Variants in SLCO1A2 observed in about 807,000 individuals in gnomAD.
SLCO1A2 encodes solute carrier organic anion transporter family member 1A2, also known as OATP-1.
In SLCO1A2, 67 loss-of-function variants were observed where a neutral mutation model predicts 69.0. That is an observed-to-expected ratio of 0.97 (90% CI 0.80 to 1.19). The LOEUF is 1.19. SLCO1A2 is among the 50% of genes most tolerant of loss of function. The pLI, the probability that SLCO1A2 is intolerant of heterozygous loss-of-function variation, is 0.00. For missense variants in SLCO1A2, 787 were observed against 793.7 expected (o/e 0.99, Z 0.10); for synonymous variants, 260 against 265.9 (o/e 0.98, Z 0.22).
intron 14 of SLCO1A2, among the ~76,000 whole-genome samples, chr12:21,271,554 A>G (rs1942843763): frequency 6.7e-6 from 1 of 150,138 alleles, no homozygotes; most frequent in African/African-American, 2.4e-5. Flanking sequence ...CTAAATTCTG[A>G]GTTCATTAAT....
chr12:21,394,655 A>G (rs556039864), intron 1 of SLCO1A2, among the ~76,000 whole-genome samples: 5 of 152,278 alleles, frequency 3.3e-5, no homozygotes, highest in African/African-American at 1.2e-4. Context: ...ATTCCTGAAC[A>G]AGGTGATACG....
At chr12:21,352,435 A>T (rs1028612592) in intron 2 of SLCO1A2, among the ~76,000 whole-genome samples, 1 of 152,236 alleles carries the variant, frequency 6.6e-6, no homozygotes. Flanking sequence ...CCTGATTTCA[A>T]TAAGATCATC....
chr12:21,323,186 C>T (rs899064292), intron 2 of SLCO1A2, among the ~76,000 whole-genome samples: 1 of 152,154 alleles, frequency 6.6e-6, no homozygotes, highest in African/African-American at 2.4e-5. Flanking sequence ...CATTGAGCTA[C>T]TATAATCTTG....
intron 1 of SLCO1A2, among the ~76,000 whole-genome samples, chr12:21,393,836 G>C (rs11830952): frequency 0.019 from 2,884 of 152,236 alleles, 104 homozygotes; most frequent in African/African-American, 0.066. Context: ...CTTATCAATT[G>C]ACAGTAATTT....
At chr12:21,358,212 A>T (rs1467459096) in intron 2 of SLCO1A2, among the ~76,000 whole-genome samples, 3 of 152,228 alleles carry the variant, frequency 2.0e-5, no homozygotes. Context: ...TCTCTGGCAA[A>T]GTGAATCTGT....
intron 6 of SLCO1A2, among the ~76,000 whole-genome samples, chr12:21,302,552 T>G (rs1299309131): frequency 6.9e-6 from 1 of 145,720 alleles, no homozygotes; most frequent in East Asian, 2.2e-4. Flanking sequence ...TTATTACCTC[T>G]CCATTTTTTT....
chr12:21,345,358 T>A (rs1953219566), intron 2 of SLCO1A2, among the ~76,000 whole-genome samples: 1 of 152,028 alleles, frequency 6.6e-6, no homozygotes, highest in Admixed American at 6.6e-5. Context: ...AGCAAAGTAG[T>A]CTTGAACTAA....
At chr12:21,292,814 G>A (rs1166425351) in intron 11 of SLCO1A2, among the ~76,000 whole-genome samples, 1 of 151,858 alleles carries the variant, frequency 6.6e-6, no homozygotes, top group East Asian at 2.0e-4. Flanking sequence ...AACTGGTCTC[G>A]AACTCCTGAC....
At position 21,334,572 on chromosome 12, in the gene SLCO1A2, T is replaced by A; in HGVS notation, c.60+16A>T. On this transcript the variant is annotated intron_variant, in intron 2 of 14. Transcript: ENST00000683939. Reference sequence around the variant, plus strand: ...TAGTGTACATGCACATATATCCACATACAAAAATTCCATACCTTCAACTTG... The same window carrying A: ...TAGTGTACATGCACATATATCCACAAACAAAAATTCCATACCTTCAACTTG... 6.3e-7 allele frequency: 1 copy of A among 1,595,854 alleles called. No homozygotes were observed.
chr12:21,323,523 C>A (rs774109744), intron 2 of SLCO1A2, among the ~76,000 whole-genome samples: 12 of 152,078 alleles, frequency 7.9e-5, no homozygotes, highest in Non-Finnish European at 1.2e-4. Flanking sequence ...CTTGATGGCA[C>A]CACTACACTC....
At chr12:21,337,106 C>A (rs567914518), upstream of SLCO1A2, among the ~76,000 whole-genome samples, 1 of 152,126 alleles carries the variant, frequency 6.6e-6, no homozygotes, top group African/African-American at 2.4e-5. Flanking sequence ...ACTCTACTCT[C>A]TTACATTTTT....
chr12:21,418,485 A>G (rs946935451), upstream of SLCO1A2, among the ~76,000 whole-genome samples: 11 of 152,202 alleles, frequency 7.2e-5, no homozygotes, highest in Non-Finnish European at 1.5e-4. Context: ...GTGAATTCAC[A>G]GTTACATGTG....
chr12:21,395,946 A>C (rs1222976013), upstream of SLCO1A2, among the ~76,000 whole-genome samples: 1 of 150,922 alleles, frequency 6.6e-6, no homozygotes, highest in Non-Finnish European at 1.5e-5. Flanking sequence ...AAAAACTGGA[A>C]ACTCTAAAAA....
intron 12 of SLCO1A2, among the ~76,000 whole-genome samples, chr12:21,291,710 C>A (rs1565475465): frequency 6.6e-6 from 1 of 152,040 alleles, no homozygotes. Context: ...TATTATTATG[C>A]CCATTATTAT....
chr12:21,297,230 C>CTTCT (rs1020608652), intron 9 of SLCO1A2, among the ~76,000 whole-genome samples, 174 bp downstream of exon 9: 22 of 122,340 alleles, frequency 1.8e-4, no homozygotes, highest in Non-Finnish European at 2.5e-4. Flanking sequence ...TCTTTCCTTC[C>CTTCT]TTCTTTCTTT....
rs1046018607 is a variant in SLCO1A2 at position 21,266,720 on chromosome 12, G to A, written c.*2828C>T. The stretch of plus-strand genomic sequence containing the variant: ...CTTCGAGCATCTCCCCAATAATGTG[G>A]AGATCTAGCAGAAACCCATTTACCT... On this transcript the variant is annotated 3_prime_UTR_variant, in exon 15 of 15. Transcript: ENST00000683939. 2 of 151,372 alleles carry A rather than the reference G, an allele frequency of 1.3e-5. No individual in the cohort carries two copies. Among genetic ancestry groups the A allele is most frequent in the African/African-American group, 4.9e-5 (2 of 41,162 alleles). The allele number at this position is 151,372 out of a possible 1,614,324, so 9.4% of individuals were successfully genotyped here.
At chr12:21,348,656 C>T (rs1937687513) in intron 2 of SLCO1A2, among the ~76,000 whole-genome samples, 1 of 152,082 alleles carries the variant, frequency 6.6e-6, no homozygotes, top group Non-Finnish European at 1.5e-5. Flanking sequence ...TCATCCTCAC[C>T]CTCATTTTCC....
At chr12:21,364,694 C>G (rs1394380374) in intron 2 of SLCO1A2, among the ~76,000 whole-genome samples, 1 of 152,176 alleles carries the variant, frequency 6.6e-6, no homozygotes, top group South Asian at 2.1e-4. Flanking sequence ...GCAACTTCAG[C>G]AAAATCTCAG....
At chr12:21,309,512 A>G (rs1949845160) in intron 4 of SLCO1A2, among the ~76,000 whole-genome samples, 1 of 152,226 alleles carries the variant, frequency 6.6e-6, no homozygotes, top group Non-Finnish European at 1.5e-5. Flanking sequence ...AGATAGAGCT[A>G]GAAAACATTG....
Sources: gnomAD v4.1 joint callset for allele counts (sites outside exome capture counted in the v4.1 genomes callset) on GRCh38, gnomAD v4.1.1 for gene constraint, MANE v1.5 for transcripts, NCBI Gene and HGNC (gene_info 2026-07-23, HGNC 2026-07-21) for gene names.